The following PTPRT variants were observed in gnomAD, a reference collection of about 807,000 sequenced individuals.
The protein encoded by PTPRT is receptor-type tyrosine-protein phosphatase T.
PTPRT carries 56 observed loss-of-function variants against 176.8 expected under a neutral mutation model. The observed-to-expected ratio is 0.32, with a 90% CI of 0.26 to 0.40. The LOEUF (loss-of-function observed/expected upper bound fraction) is 0.40. Ranked by LOEUF, PTPRT falls within the 10% of genes least tolerant of loss-of-function variation. The probability of loss-of-function intolerance (pLI) is 1.00; values close to 1 mark genes in which losing one functional copy is unlikely to be tolerated. For missense variants in PTPRT, 1,540 were observed against 1,908.2 expected, an observed-to-expected ratio of 0.81 and a Z score of 3.60; for synonymous variants, 783 against 739.0, an observed-to-expected ratio of 1.06 and a Z score of -0.96.
At chr20:42,118,332 C>T in intron 21 of PTPRT, 71 bp downstream of exon 21, 2 of 1,367,214 alleles carry the variant, frequency 1.5e-6, no homozygotes. Context: ...TAGCACGATG[C>T]ATGGAACAAA....
At chr20:42,856,566 G>A (rs940688003) in intron 2 of PTPRT, among the ~76,000 whole-genome samples, 2 of 151,992 alleles carry the variant, frequency 1.3e-5, no homozygotes, top group African/African-American at 2.4e-5. Context: ...GTTCAAGACC[G>A]GGAGTGTATC....
At chr20:42,478,507 C>T (rs1397244442) in intron 7 of PTPRT, among the ~76,000 whole-genome samples, 1 of 152,134 alleles carries the variant, frequency 6.6e-6, no homozygotes, top group Non-Finnish European at 1.5e-5. Flanking sequence ...CCCCAAATGC[C>T]CCTGAGTCAT....
chr20:42,660,550 C>T (rs997996579), intron 7 of PTPRT, among the ~76,000 whole-genome samples: 6 of 152,174 alleles, frequency 3.9e-5, no homozygotes, highest in Non-Finnish European at 7.3e-5. Context: ...GTTGTTATCA[C>T]TGAGTGATGC....
chr20:42,474,415 C>T (rs542271758), intron 7 of PTPRT, among the ~76,000 whole-genome samples: 3 of 152,294 alleles, frequency 2.0e-5, no homozygotes, highest in African/African-American at 7.2e-5. Flanking sequence ...GGCAAGCCCG[C>T]ACAGAGCTGC....
Position 42,077,994 on chromosome 20 carries a change from A to C in PTPRT, c.*2885T>G, listed in dbSNP as rs534189046. On this transcript the variant is annotated 3_prime_UTR_variant, in exon 31 of 31. Transcript: ENST00000373187. Reference sequence around the variant, plus strand: ...CACCCTCATCCTGTCTGGATGTACCAAGATCTAAGAAAATAGCATACAGCA... The same window carrying C: ...CACCCTCATCCTGTCTGGATGTACCCAGATCTAAGAAAATAGCATACAGCA... 5.2e-6 allele frequency: 1 copy of C among 191,484 alleles called. No individual in the cohort carries two copies. The highest frequency in any genetic ancestry group is 6.1e-5 in the Admixed American group (1 of 16,280). 11.9% of individuals were successfully genotyped at this position (191,484 alleles called of 1,614,324 possible).
intron 1 of PTPRT, among the ~76,000 whole-genome samples, chr20:43,066,256 G>A (rs1305347553): frequency 6.6e-6 from 1 of 152,144 alleles, no homozygotes; most frequent in Admixed American, 6.5e-5. Flanking sequence ...AGAAGGACTT[G>A]GCTCGGTTTT....
At chr20:42,302,095 A>G (rs1352508081) in intron 12 of PTPRT, among the ~76,000 whole-genome samples, 2 of 152,114 alleles carry the variant, frequency 1.3e-5, no homozygotes, top group Non-Finnish European at 2.9e-5. Flanking sequence ...TTTGACTTAC[A>G]GTGTTCTCAT....
chr20:42,506,731 A>T (rs1039931139), intron 7 of PTPRT, among the ~76,000 whole-genome samples: 5 of 152,134 alleles, frequency 3.3e-5, no homozygotes, highest in African/African-American at 1.2e-4. Context: ...TGTGAAAAAA[A>T]ACACTGAGAT....
intron 2 of PTPRT, among the ~76,000 whole-genome samples, chr20:42,849,970 CTAT>C (rs1426536282): frequency 1.3e-5 from 2 of 152,196 alleles, no homozygotes; most frequent in Admixed American, 6.5e-5. Flanking sequence ...GTTTCATCAC[CTAT>C]TAAATGGAAG....
chr20:42,190,052 C>T (rs1297918802), intron 16 of PTPRT, among the ~76,000 whole-genome samples: 1 of 152,132 alleles, frequency 6.6e-6, no homozygotes, highest in African/African-American at 2.4e-5. Flanking sequence ...TTTAATCTGT[C>T]AGCTAAGTGG....
Position 42,294,874 on chromosome 20 carries a change from C to A in PTPRT, c.2140-12349G>T, listed in dbSNP as rs571708861. The stretch of plus-strand genomic sequence containing the variant: ...AAATGAAGATTAAATTACCAGATGT[C>A]AAAAACAGCAATTTAATAAGGGGCA... On this transcript the variant is annotated intron_variant, in intron 12 of 30. Coordinates refer to ENST00000373187, the MANE Select transcript of PTPRT (RefSeq NM_007050.6). Among the ~76,000 whole-genome samples, 526 of 151,936 alleles carry A rather than the reference C, an allele frequency of 3.5e-3. 2 individuals carry two copies. The highest frequency in any genetic ancestry group is 5.9e-3 in the Non-Finnish European group (398 of 67,930).
intron 6 of PTPRT, among the ~76,000 whole-genome samples, chr20:42,703,617 C>T (rs1028436620): frequency 2.6e-5 from 4 of 152,244 alleles, no homozygotes; most frequent in South Asian, 2.1e-4. Flanking sequence ...TAAACCTCAG[C>T]TCTTGGAAGA....
At chr20:43,024,876 G>GAACC (rs1180987964) in intron 1 of PTPRT, among the ~76,000 whole-genome samples, 5 of 152,234 alleles carry the variant, frequency 3.3e-5, no homozygotes, top group South Asian at 4.1e-4. Context: ...ACCCCTGGGA[G>GAACC]AACCAACTCT....
In PTPRT at chr20:42,756,484, G is replaced by A; in HGVS notation, c.837C>T (p.Asn279=). 6.3e-7 allele frequency: 1 copy of A among 1,591,448 alleles called. No homozygotes were observed. The highest frequency in any genetic ancestry group is 8.6e-7 in the Non-Finnish European group (1 of 1,165,608). The stretch of plus-strand genomic sequence containing the variant: ...CACCTTTCACGATCAGCTCCGCGTA[G>A]TTGGACACACCAGACCCACCATCAG... The part of the protein sequence containing the change: ...IRSDGGSGVS[N]YAELIVKEPP... Residue 279 remains asparagine (N), a synonymous_variant, in exon 6 of 31, where the codon AAC becomes AAT. Coordinates refer to ENST00000373187, the MANE Select transcript of PTPRT (RefSeq NM_007050.6).
At chr20:42,996,724 A>G (rs1317199571) in intron 1 of PTPRT, among the ~76,000 whole-genome samples, 1 of 152,228 alleles carries the variant, frequency 6.6e-6, no homozygotes, top group Non-Finnish European at 1.5e-5. Context: ...GAGAACCAGC[A>G]CAGCATATCG....
intron 6 of PTPRT, among the ~76,000 whole-genome samples, chr20:42,735,812 G>T (rs535774990): frequency 1.3e-5 from 2 of 151,976 alleles, no homozygotes; most frequent in African/African-American, 4.8e-5. Flanking sequence ...CATTTGCTCC[G>T]TTGTGTGCCT....
chr20:43,166,725 A>AG (rs1271848436), intron 1 of PTPRT, among the ~76,000 whole-genome samples: 3 of 152,224 alleles, frequency 2.0e-5, no homozygotes, highest in Admixed American at 2.0e-4. Flanking sequence ...TGTACAGATA[A>AG]GGGGGGTAAG....
At chr20:42,964,567 C>T (rs1205919136) in intron 1 of PTPRT, among the ~76,000 whole-genome samples, 1 of 152,068 alleles carries the variant, frequency 6.6e-6, no homozygotes, top group Non-Finnish European at 1.5e-5. Flanking sequence ...TTTAATACAA[C>T]TCTCTTTAAG....
chr20:42,720,385 A>T (rs2076286404), intron 6 of PTPRT, among the ~76,000 whole-genome samples: 1 of 152,230 alleles, frequency 6.6e-6, no homozygotes, highest in Non-Finnish European at 1.5e-5. Context: ...TAGTGCAATA[A>T]GAGAATGCAT....
Sources: gnomAD v4.1 joint callset for allele counts (sites outside exome capture counted in the v4.1 genomes callset) on GRCh38, gnomAD v4.1.1 for gene constraint, MANE v1.5 for transcripts, NCBI Gene and HGNC (gene_info 2026-07-23, HGNC 2026-07-21) for gene names.